The following TOP6BL variants were observed in gnomAD, a reference collection of about 807,000 sequenced individuals.
TOP6BL encodes type 2 DNA topoisomerase 6 subunit B-like.
the TOP6BL span, chr11:66,748,531 G>GA: frequency 8.6e-6 from 13 of 1,504,960 alleles, no homozygotes; most frequent in Admixed American, 2.2e-4. Context: ...AGTAGAGAAA[G>GA]AAAAAATATT....
the TOP6BL span, among the ~76,000 whole-genome samples, chr11:66,780,383 A>G: frequency 7.2e-5 from 11 of 152,086 alleles, no homozygotes; most frequent in African/African-American, 1.9e-4. Context: ...CTGGGTTTCC[A>G]TCTTCAGCCT....
At chr11:66,807,504 G>A in the TOP6BL span, among the ~76,000 whole-genome samples, 1 of 152,138 alleles carries the variant, frequency 6.6e-6, no homozygotes, top group Non-Finnish European at 1.5e-5. Context: ...CTGGGAGGCG[G>A]TGGTTGCGGT....
At chr11:66,841,143 G>A in the TOP6BL span, among the ~76,000 whole-genome samples, 8 of 116,062 alleles carry the variant, frequency 6.9e-5, no homozygotes, top group Admixed American at 1.0e-4. Context: ...TTGAGACAGA[G>A]TCTCCCTCTG....
chr11:66,766,889 A>C, the TOP6BL span, among the ~76,000 whole-genome samples: 1 of 152,196 alleles, frequency 6.6e-6, no homozygotes, highest in Non-Finnish European at 1.5e-5. Flanking sequence ...AAATGAACTT[A>C]TTGTGTAATG....
the TOP6BL span, among the ~76,000 whole-genome samples, chr11:66,795,285 A>G: frequency 2.0e-4 from 30 of 151,430 alleles, no homozygotes; most frequent in East Asian, 5.6e-3. Context: ...CATGTATAAT[A>G]TACACTTTCT....
chr11:66,798,910 A>G, the TOP6BL span, among the ~76,000 whole-genome samples: 1 of 151,996 alleles, frequency 6.6e-6, no homozygotes, highest in African/African-American at 2.4e-5. Context: ...TGTCTCTACT[A>G]AAAATACAAA....
chr11:66,800,691 C>T, the TOP6BL span: 1 of 1,603,822 alleles, frequency 6.2e-7, no homozygotes, highest in Non-Finnish European at 8.5e-7. Context: ...CCACAGAGAT[C>T]TTTGGGTAAG....
At chr11:66,779,621 A>C in the TOP6BL span, among the ~76,000 whole-genome samples, 3 of 152,218 alleles carry the variant, frequency 2.0e-5, no homozygotes, top group African/African-American at 7.2e-5. Flanking sequence ...TCGGAGATCT[A>C]GAACTAGAAA....
the TOP6BL span, among the ~76,000 whole-genome samples, chr11:66,804,911 A>T: frequency 1.3e-5 from 2 of 152,088 alleles, no homozygotes; most frequent in African/African-American, 4.8e-5. Flanking sequence ...CTTAGTAAAT[A>T]CAAAAATTAG....
chr11:66,812,531 A>G, the TOP6BL span, among the ~76,000 whole-genome samples: 1 of 152,050 alleles, frequency 6.6e-6, no homozygotes, highest in Admixed American at 6.6e-5. Context: ...GCCTTAGTTC[A>G]TGTGTTAATG....
the TOP6BL span, chr11:66,822,494 G>A: frequency 4.1e-6 from 4 of 967,694 alleles, no homozygotes; most frequent in Non-Finnish European, 6.4e-6. Flanking sequence ...AAATGTGTGG[G>A]CCCTCTGGGA....
At chr11:66,794,755 T>C in the TOP6BL span, among the ~76,000 whole-genome samples, 1 of 152,150 alleles carries the variant, frequency 6.6e-6, no homozygotes, top group Non-Finnish European at 1.5e-5. Flanking sequence ...AAGAAAGACT[T>C]ACAGTCAAGT....
At chr11:66,810,588 T>C in the TOP6BL span, among the ~76,000 whole-genome samples, 1 of 152,156 alleles carries the variant, frequency 6.6e-6, no homozygotes, top group Non-Finnish European at 1.5e-5. Context: ...TGAATCCATA[T>C]GTTACAAGAG....
the TOP6BL span, among the ~76,000 whole-genome samples, chr11:66,786,312 AT>A: frequency 2.0e-5 from 3 of 151,416 alleles, no homozygotes; most frequent in African/African-American, 7.3e-5. Flanking sequence ...AAAAAAAAAA[AT>A]TTCTGTTTTC....
At chr11:66,813,531 G>A in the TOP6BL span, among the ~76,000 whole-genome samples, 4 of 152,012 alleles carry the variant, frequency 2.6e-5, no homozygotes, top group East Asian at 1.9e-4. Flanking sequence ...TCAAGAGATC[G>A]AGACCATCCT....
At chr11:66,813,973 C>A in the TOP6BL span, 2 of 1,613,678 alleles carry the variant, frequency 1.2e-6, no homozygotes, top group Non-Finnish European at 1.7e-6. Flanking sequence ...GAAAAAATAC[C>A]ATTTGTGTAT....
chr11:66,749,230 A>G, the TOP6BL span, among the ~76,000 whole-genome samples: 1 of 152,158 alleles, frequency 6.6e-6, no homozygotes, highest in Non-Finnish European at 1.5e-5. Flanking sequence ...GTGTATTAAT[A>G]TTAAACATCT....
the TOP6BL span, among the ~76,000 whole-genome samples, chr11:66,795,302 C>CTTT: frequency 6.2e-4 from 85 of 136,674 alleles, 1 homozygote; most frequent in East Asian, 0.016. Context: ...TTCTTTCCTT[C>CTTT]TTTTTTTTTT....
At chr11:66,808,794 A>G in the TOP6BL span, among the ~76,000 whole-genome samples, 9 of 152,366 alleles carry the variant, frequency 5.9e-5, no homozygotes, top group Admixed American at 5.2e-4. Flanking sequence ...GAGACAAGTT[A>G]TGGAAAATAC....
Sources: allele counts gnomAD v4.1 joint callset (sites outside exome capture counted in the v4.1 genomes callset), GRCh38; gene constraint gnomAD v4.1.1; transcripts MANE v1.5; gene names NCBI Gene and HGNC (gene_info 2026-07-23, HGNC 2026-07-21).